Variants in TRPC4 observed in about 807,000 individuals in gnomAD.
TRPC4 encodes the protein transient receptor potential cation channel subfamily C member 4, also known as short transient receptor potential channel 4.
A neutral mutation model predicts 99.4 loss-of-function variants in TRPC4; 49 were observed. The observed-to-expected ratio is 0.49, with a 90% CI of 0.39 to 0.63. TRPC4 has a LOEUF of 0.63. Among genes scored for constraint, TRPC4 ranks in the 20% least tolerant of loss-of-function variants. TRPC4 has a pLI of 0.00. For synonymous variants in TRPC4, 454 were observed against 425.9 expected (o/e 1.07, Z -0.81); for missense variants, 898 against 1,152.9 (o/e 0.78, Z 3.20).
chr13:37,865,781 A>G (rs1309724915), intron 1 of TRPC4, among the ~76,000 whole-genome samples: 2 of 151,798 alleles, frequency 1.3e-5, no homozygotes, highest in Non-Finnish European at 3.0e-5. Flanking sequence ...CCTGATAGTA[A>G]AATTTGATAT....
At chr13:37,688,628 C>T (rs1354511697) in intron 4 of TRPC4, among the ~76,000 whole-genome samples, 2 of 152,108 alleles carry the variant, frequency 1.3e-5, no homozygotes, top group Non-Finnish European at 1.5e-5. Flanking sequence ...ATTTCTCATA[C>T]ATCAAGAAAT....
intron 3 of TRPC4, among the ~76,000 whole-genome samples, chr13:37,716,540 C>G (rs187590746): frequency 6.6e-6 from 1 of 151,992 alleles, no homozygotes; most frequent in Non-Finnish European, 1.5e-5. Flanking sequence ...CTGAGTTATT[C>G]TTTTTCAAAA....
chr13:37,749,893 C>T (rs932537836), intron 2 of TRPC4, among the ~76,000 whole-genome samples: 1 of 152,016 alleles, frequency 6.6e-6, no homozygotes, highest in African/African-American at 2.4e-5. Flanking sequence ...TAATATACAG[C>T]TTGATGACTT....
intron 6 of TRPC4, among the ~76,000 whole-genome samples, chr13:37,659,419 A>G (rs1952356220): frequency 6.6e-6 from 1 of 152,118 alleles, no homozygotes; most frequent in Non-Finnish European, 1.5e-5. Context: ...CTTCTTATAG[A>G]GTGTGCAGAA....
chr13:37,817,635 T>C (rs111969922), intron 1 of TRPC4, among the ~76,000 whole-genome samples: 4,907 of 151,942 alleles, frequency 0.032, 269 homozygotes, highest in African/African-American at 0.11. Context: ...AACTTCAAAC[T>C]ATATTACAGG....
chr13:37,856,945 T>C (rs768177243), intron 1 of TRPC4, among the ~76,000 whole-genome samples: 17 of 151,436 alleles, frequency 1.1e-4, no homozygotes, highest in Non-Finnish European at 2.4e-4. Flanking sequence ...ATCATAGAAA[T>C]GGGGAAGAAT....
At chr13:37,749,628 T>C (rs1454268497) in intron 2 of TRPC4, among the ~76,000 whole-genome samples, 2 of 152,162 alleles carry the variant, frequency 1.3e-5, no homozygotes, top group Admixed American at 1.3e-4. Context: ...TACGGAGTAC[T>C]AACTATATGC....
chr13:37,632,112 T>C lies in TRPC4; in HGVS notation c.*4791A>G, dbSNP rs3934220. Among the ~76,000 whole-genome samples, 29,437 of 152,178 alleles carry C rather than the reference T, an allele frequency of 0.19. 3,622 individuals are homozygous for C. Among genetic ancestry groups the C allele is most frequent in the Non-Finnish European group, 0.27 (18,657 of 67,972 alleles). On this transcript the variant is annotated 3_prime_UTR_variant, in exon 11 of 11. Coordinates refer to ENST00000379705, the MANE Select transcript of TRPC4 (RefSeq NM_016179.4). ...TAGAGCTACACAAAACTTTTTTGAG[T>C]AATTAAAGATAGAATTTTCTACCTT...
chr13:37,799,413 A>G (rs531668715), intron 1 of TRPC4, among the ~76,000 whole-genome samples: 1 of 152,248 alleles, frequency 6.6e-6, no homozygotes, highest in Admixed American at 6.5e-5. Flanking sequence ...GTCAAATTCT[A>G]GAAACCCTCT....
chr13:37,735,444 A>G (rs1163590457), intron 3 of TRPC4, among the ~76,000 whole-genome samples: 1 of 152,182 alleles, frequency 6.6e-6, no homozygotes, highest in Non-Finnish European at 1.5e-5. Context: ...GACAGAGAAA[A>G]TATCAGTCAC....
intron 4 of TRPC4, among the ~76,000 whole-genome samples, chr13:37,686,442 T>TAC (rs1953484290): frequency 6.6e-6 from 1 of 151,776 alleles, no homozygotes; most frequent in Non-Finnish European, 1.5e-5. Flanking sequence ...TGTGTGTGTA[T>TAC]ACACACACAT....
At chr13:37,809,709 A>G (rs1351584678) in intron 1 of TRPC4, among the ~76,000 whole-genome samples, 2 of 152,090 alleles carry the variant, frequency 1.3e-5, no homozygotes, top group Admixed American at 1.3e-4. Flanking sequence ...GCAATTACAA[A>G]GATGTAGGCA....
chr13:37,848,495 T>A (rs79173708), intron 1 of TRPC4, among the ~76,000 whole-genome samples: 2,441 of 152,194 alleles, frequency 0.016, 32 homozygotes, highest in Middle Eastern at 0.044. Flanking sequence ...TCATTCATAA[T>A]CATTTTTGAT....
rs544905634 is a variant in TRPC4, at chr13:37,829,541, C to T, written c.-28+40054G>A. On this transcript the variant is annotated intron_variant, in intron 1 of 10. Transcript: ENST00000379705. ...TGTGCATTGCTGGTTGGATTGGGAA[C>T]CAATAAAACCAGTTGGATCAGCCAC... 4.6e-5 allele frequency among the ~76,000 whole-genome samples: 7 copies of T among 152,202 alleles called. No homozygotes were observed. In the East Asian group the frequency reaches 1.4e-3, roughly 29 times the overall value.
At chr13:37,694,664 T>C (rs1953850300) in intron 3 of TRPC4, among the ~76,000 whole-genome samples, 1 of 152,218 alleles carries the variant, frequency 6.6e-6, no homozygotes, top group Non-Finnish European at 1.5e-5. Context: ...TTTCTTTCTT[T>C]AGTTATTGAA....
At chr13:37,779,910 G>C (rs1027409225) in intron 2 of TRPC4, among the ~76,000 whole-genome samples, 16 of 151,888 alleles carry the variant, frequency 1.1e-4, no homozygotes, top group Admixed American at 3.9e-4. Context: ...CTAACATTTT[G>C]TGTTTGCCAA....
intron 1 of TRPC4, among the ~76,000 whole-genome samples, chr13:37,825,488 G>A (rs1188980037): frequency 6.6e-6 from 1 of 152,014 alleles, no homozygotes; most frequent in Non-Finnish European, 1.5e-5. Context: ...GTTCTCATTG[G>A]TTTCAAAGAA....
chr13:37,840,850 A>C (rs1436340807), intron 1 of TRPC4, among the ~76,000 whole-genome samples: 2 of 152,004 alleles, frequency 1.3e-5, no homozygotes, highest in Non-Finnish European at 2.9e-5. Context: ...CACTAAAATA[A>C]CCATATTAAT....
intron 3 of TRPC4, among the ~76,000 whole-genome samples, chr13:37,699,668 C>T (rs1180562564): frequency 2.6e-5 from 4 of 152,184 alleles, no homozygotes; most frequent in Non-Finnish European, 5.9e-5. Flanking sequence ...GTCATAAAAT[C>T]ACCTAAGTGT....
Sources: gnomAD v4.1 joint callset for allele counts (sites outside exome capture counted in the v4.1 genomes callset) on GRCh38, gnomAD v4.1.1 for gene constraint, MANE v1.5 for transcripts, NCBI Gene and HGNC (gene_info 2026-07-23, HGNC 2026-07-21) for gene names.